THSD4: variants seen among roughly 807,000 people sequenced by gnomAD.
THSD4 encodes the protein thrombospondin type 1 domain containing 4.
Under a neutral mutation model 119.0 loss-of-function variants are expected in THSD4, and 69 were observed. The ratio of observed to expected loss-of-function variants is 0.58; its 90% CI spans 0.48 to 0.71. The LOEUF is 0.71. Ranked by LOEUF, THSD4 falls within the 30% of genes least tolerant of loss-of-function variation. The probability of loss-of-function intolerance (pLI) is 0.00; values close to 1 mark genes in which losing one functional copy is unlikely to be tolerated. For missense variants in THSD4, 1,393 were observed against 1,391.1 expected, an observed-to-expected ratio of 1.00 and a Z score of -0.02; for synonymous variants, 524 against 540.4, an observed-to-expected ratio of 0.97 and a Z score of 0.42.
chr15:71,107,854 T>C (rs1407084131), intron 1 of THSD4, among the ~76,000 whole-genome samples: 1 of 152,220 alleles, frequency 6.6e-6, no homozygotes, highest in Non-Finnish European at 1.5e-5. Flanking sequence ...GTGTCAAGCC[T>C]GCTCTGCAGA....
intron 7 of THSD4, among the ~76,000 whole-genome samples, chr15:71,566,901 A>G (rs538071668): frequency 6.7e-6 from 1 of 148,750 alleles, no homozygotes; most frequent in Admixed American, 6.7e-5. Flanking sequence ...GAGTACTGTC[A>G]TTTTTTTTTT....
Position 71,734,839 on chromosome 15 carries a change from A to T in THSD4, c.1631-2893A>T, listed in dbSNP as rs549763060. ...AAAAAAGCCTATTAAAAAAAAAAAA[A>T]GTCCACAGCTCCCAACCCCATGCCC... is the stretch of plus-strand genomic sequence containing the variant. On this transcript the variant is annotated intron_variant, in intron 10 of 17. Coordinates refer to ENST00000261862, the MANE Select transcript of THSD4 (RefSeq NM_024817.3). Among the ~76,000 whole-genome samples the T allele has an allele frequency of 8.6e-5, 13 of 151,578 alleles. No individual in the cohort carries two copies. In the South Asian group the frequency reaches 1.5e-3, roughly 17 times the overall value.
At chr15:71,307,265 G>A (rs2045043018) in intron 6 of THSD4, among the ~76,000 whole-genome samples, 2 of 152,154 alleles carry the variant, frequency 1.3e-5, no homozygotes, top group Admixed American at 1.3e-4. Flanking sequence ...TTGTCATGTA[G>A]CCATAGTTAT....
chr15:71,314,455 C>T (rs2045158395), intron 6 of THSD4, among the ~76,000 whole-genome samples: 1 of 152,028 alleles, frequency 6.6e-6, no homozygotes, highest in African/African-American at 2.4e-5. Context: ...TACAGGTGCA[C>T]ACTACCACGC....
At chr15:71,467,904 A>G (rs1291944364) in intron 7 of THSD4, among the ~76,000 whole-genome samples, 1 of 148,968 alleles carries the variant, frequency 6.7e-6, no homozygotes, top group Non-Finnish European at 1.5e-5. Context: ...GCTGCAGTGC[A>G]GTGGCATGAT....
At chr15:71,618,522 C>T (rs1464217948) in intron 7 of THSD4, among the ~76,000 whole-genome samples, 1 of 151,892 alleles carries the variant, frequency 6.6e-6, no homozygotes, top group Non-Finnish European at 1.5e-5. Flanking sequence ...GCATCACAGG[C>T]TGCCTCTTGG....
At chr15:71,335,693 A>G (rs1004653036) in intron 6 of THSD4, among the ~76,000 whole-genome samples, 11 of 152,156 alleles carry the variant, frequency 7.2e-5, no homozygotes, top group African/African-American at 2.7e-4. Context: ...TTATTTCCGA[A>G]GATGATGCCA....
At chr15:71,472,354 A>G (rs775913166) in intron 7 of THSD4, among the ~76,000 whole-genome samples, 4 of 152,206 alleles carry the variant, frequency 2.6e-5, no homozygotes, top group Admixed American at 6.5e-5. Flanking sequence ...GGCCTTCAAT[A>G]CATATTAACC....
At chr15:71,704,720 A>T (rs548756380) in intron 8 of THSD4, among the ~76,000 whole-genome samples, 2 of 152,356 alleles carry the variant, frequency 1.3e-5, no homozygotes, top group Admixed American at 1.3e-4. Context: ...GGTCCTGGAC[A>T]TACAGGGGCC....
chr15:71,103,473 T>C (rs1180980611), intron 1 of THSD4, among the ~76,000 whole-genome samples: 2 of 152,224 alleles, frequency 1.3e-5, no homozygotes, highest in Admixed American at 6.5e-5. Flanking sequence ...CAACACCCTC[T>C]GGCTCCTTGG....
intron 7 of THSD4, among the ~76,000 whole-genome samples, chr15:71,632,364 G>A (rs947703917): frequency 1.3e-5 from 2 of 152,174 alleles, no homozygotes; most frequent in African/African-American, 4.8e-5. Flanking sequence ...TCCTTGATCT[G>A]CCACCCAGTT....
chr15:71,711,702 C>T (rs1311689520), intron 8 of THSD4, among the ~76,000 whole-genome samples: 1 of 152,030 alleles, frequency 6.6e-6, no homozygotes, highest in African/African-American at 2.4e-5. Flanking sequence ...AAAGGAAACA[C>T]ATTTTTGAAA....
intron 10 of THSD4, among the ~76,000 whole-genome samples, chr15:71,736,541 GTC>G (rs758841616): frequency 1.4e-3 from 206 of 149,028 alleles, no homozygotes; most frequent in African/African-American, 4.6e-3. Flanking sequence ...CTTGCTCTCT[GTC>G]TCTCTCTCTC....
intron 7 of THSD4, among the ~76,000 whole-genome samples, chr15:71,606,195 A>G (rs2050106472): frequency 6.6e-6 from 1 of 152,206 alleles, no homozygotes; most frequent in South Asian, 2.1e-4. Context: ...TTTTTTGGTT[A>G]CTTTTTTGTT....
chr15:71,324,069 C>T (rs1212562227), intron 6 of THSD4, among the ~76,000 whole-genome samples: 2 of 152,138 alleles, frequency 1.3e-5, no homozygotes, highest in African/African-American at 4.8e-5. Flanking sequence ...CATTACTGCT[C>T]CCATAGGAGC....
intron 6 of THSD4, among the ~76,000 whole-genome samples, chr15:71,257,713 AG>A (rs773276140): frequency 9.9e-5 from 15 of 152,184 alleles, no homozygotes; most frequent in Admixed American, 2.0e-4. Flanking sequence ...GAAGTGGATT[AG>A]TATCTGACTG....
intron 7 of THSD4, among the ~76,000 whole-genome samples, chr15:71,609,966 G>T (rs1280509265): frequency 3.9e-5 from 6 of 152,136 alleles, no homozygotes; most frequent in African/African-American, 4.8e-5. Flanking sequence ...GGCATGCTTG[G>T]GGCCCAGTAA....
intron 8 of THSD4, among the ~76,000 whole-genome samples, chr15:71,674,004 G>A (rs1465188593): frequency 1.3e-5 from 2 of 152,268 alleles, no homozygotes; most frequent in East Asian, 1.9e-4. Context: ...GCACCCAACT[G>A]TCTGTCGGAG....
At chr15:71,618,381 C>T (rs538412297) in intron 7 of THSD4, among the ~76,000 whole-genome samples, 1 of 152,324 alleles carries the variant, frequency 6.6e-6, no homozygotes, top group East Asian at 1.9e-4. Flanking sequence ...AAACTATACG[C>T]ATATGTGTCG....
Sources: allele counts gnomAD v4.1 joint callset (sites outside exome capture counted in the v4.1 genomes callset), GRCh38; gene constraint gnomAD v4.1.1; transcripts MANE v1.5; gene names NCBI Gene and HGNC (gene_info 2026-07-23, HGNC 2026-07-21).